Variants in PDE4D observed in about 807,000 individuals in gnomAD.
PDE4D encodes phosphodiesterase 4D, also known as 3',5'-cyclic-AMP phosphodiesterase 4D.
A neutral mutation model predicts 87.4 loss-of-function variants in PDE4D; 24 were observed. The ratio of observed to expected loss-of-function variants is 0.27; its 90% CI spans 0.20 to 0.39. PDE4D has a LOEUF of 0.39. Ranked by LOEUF, PDE4D falls within the 10% of genes least tolerant of loss-of-function variation. PDE4D has a pLI of 1.00. For missense variants in PDE4D, 714 were observed against 1,041.0 expected (o/e 0.69, Z 4.32); for synonymous variants, 384 against 383.2 (o/e 1.00, Z -0.02).
chr5:59,384,581 A>G (rs548322501), intron 1 of PDE4D, among the ~76,000 whole-genome samples: 1 of 139,856 alleles, frequency 7.2e-6, no homozygotes, highest in South Asian at 2.2e-4. Context: ...TGTCAGGGCA[A>G]TTTAACTCAC....
upstream of PDE4D, chr5:60,489,739 C>T (rs1273735169): frequency 6.6e-6 from 1 of 152,160 alleles, no homozygotes; most frequent in Non-Finnish European, 1.5e-5. Flanking sequence ...CCCCTTTACT[C>T]AGAGATAACA....
chr5:59,323,191 T>C (rs1217919749), intron 1 of PDE4D, among the ~76,000 whole-genome samples: 1 of 152,090 alleles, frequency 6.6e-6, no homozygotes, highest in Non-Finnish European at 1.5e-5. Flanking sequence ...TGTCTAATCT[T>C]TTTATGCAAG....
intron 1 of PDE4D, among the ~76,000 whole-genome samples, chr5:60,497,919 C>G (rs971833580): frequency 6.6e-6 from 1 of 152,156 alleles, no homozygotes; most frequent in Non-Finnish European, 1.5e-5. Flanking sequence ...AGTCAAGTTC[C>G]ATAACATATG....
intron 1 of PDE4D, among the ~76,000 whole-genome samples, chr5:59,700,826 T>C (rs1752452050): frequency 6.6e-6 from 1 of 152,158 alleles, no homozygotes; most frequent in South Asian, 2.1e-4. Context: ...AGCATTCTCC[T>C]CTCAATCCCG....
chr5:59,618,404 G>A (rs1829961520), intron 1 of PDE4D, among the ~76,000 whole-genome samples: 1 of 152,142 alleles, frequency 6.6e-6, no homozygotes, highest in Non-Finnish European at 1.5e-5. Context: ...ATGAACGCCA[G>A]AGAATTGTGA....
At chr5:59,414,709 G>A (rs941430105) in intron 1 of PDE4D, among the ~76,000 whole-genome samples, 1 of 152,176 alleles carries the variant, frequency 6.6e-6, no homozygotes, top group Non-Finnish European at 1.5e-5. Flanking sequence ...GAGATATCAA[G>A]ATATCGAACA....
upstream of PDE4D, among the ~76,000 whole-genome samples, chr5:60,492,056 T>C (rs1296419828): frequency 4.0e-5 from 6 of 151,488 alleles, no homozygotes; most frequent in African/African-American, 1.2e-4. Context: ...CGCACCAGCA[T>C]GGCACATGTA....
At chr5:60,255,120 G>T (rs1380232086) in intron 1 of PDE4D, among the ~76,000 whole-genome samples, 1 of 151,824 alleles carries the variant, frequency 6.6e-6, no homozygotes, top group Admixed American at 6.6e-5. Flanking sequence ...CATATCAAGG[G>T]ATGAAAATGA....
chr5:59,367,068 G>C (rs1366285298), intron 1 of PDE4D, among the ~76,000 whole-genome samples: 1 of 152,190 alleles, frequency 6.6e-6, no homozygotes, highest in Non-Finnish European at 1.5e-5. Flanking sequence ...GGTGCTCCAA[G>C]AGCTGTGGAA....
At chr5:59,992,988 T>C (rs993814247) in intron 2 of PDE4D, among the ~76,000 whole-genome samples, 9 of 152,166 alleles carry the variant, frequency 5.9e-5, no homozygotes, top group African/African-American at 9.7e-5. Flanking sequence ...TGGAGAGAGA[T>C]GTAAAACTAA....
At chr5:60,518,155 T>C (rs1049519932) in intron 1 of PDE4D, among the ~76,000 whole-genome samples, 4 of 152,258 alleles carry the variant, frequency 2.6e-5, no homozygotes, top group Admixed American at 6.5e-5. Flanking sequence ...CTGCTTCAGC[T>C]GGCATGACTG....
At chr5:60,158,025 T>C in intron 2 of PDE4D, among the ~76,000 whole-genome samples, 1 of 152,030 alleles carries the variant, frequency 6.6e-6, no homozygotes. Context: ...TGGAAAAAAA[T>C]GGTGCTAATT....
At chr5:59,955,106 A>G (rs2152806790) in intron 3 of PDE4D, among the ~76,000 whole-genome samples, 1 of 152,328 alleles carries the variant, frequency 6.6e-6, no homozygotes, top group East Asian at 1.9e-4. Flanking sequence ...CAATGCAAGT[A>G]TTTAATAAGT....
intron 1 of PDE4D, among the ~76,000 whole-genome samples, chr5:59,668,823 AAGAAGAAGAGGAAGAGGAAGAGG>A (rs1561440899): frequency 4.1e-5 from 4 of 97,342 alleles, no homozygotes; most frequent in African/African-American, 2.0e-4. Flanking sequence ...GAAGAAGAAG[AAGAAGAAGAGGAAGAGGAAGAGG>A]AAGAAGAAGA....
intron 2 of PDE4D, among the ~76,000 whole-genome samples, chr5:59,202,331 C>T (rs917199771): frequency 4.6e-5 from 7 of 151,884 alleles, no homozygotes; most frequent in Admixed American, 2.6e-4. Flanking sequence ...TGATCCACAG[C>T]GCCTCGCCCG....
At chr5:60,201,230 TAG>T (rs1215045778) in intron 1 of PDE4D, among the ~76,000 whole-genome samples, 2 of 128,398 alleles carry the variant, frequency 1.6e-5, no homozygotes, top group Admixed American at 1.5e-4. Flanking sequence ...AAGAAAGAAA[TAG>T]AGTTTTTTTT....
Position 59,322,588 on chromosome 5 carries a change from T to C in PDE4D, c.456-106620A>G, listed in dbSNP as rs188200071. The stretch of plus-strand genomic sequence containing the variant: ...CTTATGGGTCAAATCCAATGCTATC[T>C]ATATTTACATTATGTTTTAGGCATT... On this transcript the variant is annotated intron_variant, in intron 1 of 14. Transcript: ENST00000340635. Among the ~76,000 whole-genome samples, 10 of 152,266 alleles carry C rather than the reference T, an allele frequency of 6.6e-5. No homozygotes were observed. The East Asian group carries it at 1.7e-3, about 26-fold the overall frequency.
At chr5:59,813,445 TAC>T (rs35313403) in intron 1 of PDE4D, among the ~76,000 whole-genome samples, 15,855 of 142,882 alleles carry the variant, frequency 0.11, 1,118 homozygotes, top group African/African-American at 0.21. Context: ...CATACACTTG[TAC>T]ACACACACAC....
chr5:60,407,991 G>A (rs143041495), intron 1 of PDE4D, among the ~76,000 whole-genome samples: 1 of 151,844 alleles, frequency 6.6e-6, no homozygotes, highest in African/African-American at 2.4e-5. Flanking sequence ...TTCTTTACTG[G>A]AACTCGTATG....
Sources: gnomAD v4.1 joint callset for allele counts (sites outside exome capture counted in the v4.1 genomes callset) on GRCh38, gnomAD v4.1.1 for gene constraint, MANE v1.5 for transcripts, NCBI Gene and HGNC (gene_info 2026-07-23, HGNC 2026-07-21) for gene names.